Variants in SIRPG observed in about 807,000 individuals in gnomAD.
SIRPG encodes signal-regulatory protein gamma.
SIRPG carries 38 observed loss-of-function variants against 35.7 expected under a neutral mutation model. The observed-to-expected ratio is 1.06, with a 90% confidence interval of 0.82 to 1.40. SIRPG has a LOEUF of 1.40. Ranked by LOEUF, SIRPG falls within the 40% of genes most tolerant of loss-of-function variation. SIRPG has a pLI of 0.00. For synonymous variants in SIRPG, 215 were observed against 190.4 expected, an observed-to-expected ratio of 1.13 and a Z score of -1.06; for missense variants, 519 against 483.0, an observed-to-expected ratio of 1.07 and a Z score of -0.70.
At position 1,649,036 on chromosome 20, in the gene SIRPG, T is replaced by A; in HGVS notation, c.430+16A>T. On this transcript the variant is annotated intron_variant, in intron 2 of 5. Transcript: ENST00000303415. ...GTCACACATCAGGGGATGAGGGAGG[T>A]CCATGTTGTACTCACCACCCAAAGC... 1 of 1,597,558 alleles carries A rather than the reference T, an allele frequency of 6.3e-7. No homozygotes were observed. Among genetic ancestry groups the A allele is most frequent in the Non-Finnish European group, 8.6e-7 (1 of 1,166,344 alleles).
At chr20:1,634,572 G>C (rs993332578) in intron 4 of SIRPG, among the ~76,000 whole-genome samples, 1 of 152,096 alleles carries the variant, frequency 6.6e-6, no homozygotes, top group African/African-American at 2.4e-5. Flanking sequence ...CTGGGATGAG[G>C]TCATAAATGA....
At position 1,649,171 on chromosome 20, in the gene SIRPG, A is replaced by T. The variant is rs1203086520; in HGVS notation, c.311T>A (p.Ile104Asn). 2 of 1,614,104 alleles carry T rather than the reference A, an allele frequency of 1.2e-6. No homozygotes were observed. The highest frequency in any genetic ancestry group is 8.5e-7 in the Non-Finnish European group (1 of 1,180,030). ...LTKRNNMDFS[I>N]RISSITPADV... The stretch of plus-strand genomic sequence containing the variant: ...TGCTGGGGTGATGCTACTGATGCGG[A>T]TGGAAAAGTCCATGTTGTTTCTCTT... The change falls in exon 2 of 6, where the codon ATC becomes AAC. Residue 104 changes from isoleucine to asparagine, a missense_variant. Transcript: ENST00000303415.
chr20:1,635,159 A>T, intron 4 of SIRPG, 108 bp downstream of exon 4: 1 of 919,060 alleles, frequency 1.1e-6, no homozygotes, highest in Non-Finnish European at 1.6e-6. Context: ...GCTGACATTA[A>T]AATTTTACTT....
chr20:1,636,315 G>T lies in SIRPG; in HGVS notation c.621C>A (p.Ile207=). The T allele has an allele frequency of 6.2e-7, 1 of 1,614,242 alleles. No homozygotes were observed. The highest frequency in any genetic ancestry group is 8.5e-7 in the Non-Finnish European group (1 of 1,180,040). The change falls in exon 3 of 6, where the codon ATC becomes ATA. Residue 207 remains isoleucine, a synonymous_variant. Transcript: ENST00000303415. ...CCAGTACCACCCTGGCTGTGCTGCGGATGCTGTAGGCCACACTCTGTCCTG... is the reference window on the plus strand; with the variant it reads ...CCAGTACCACCCTGGCTGTGCTGCGTATGCTGTAGGCCACACTCTGTCCTG... ...DPTGQSVAYS[I]RSTARVVLDP...
At chr20:1,635,658 C>T (rs2091792803) in intron 3 of SIRPG, 59 bp from the exon 4 acceptor site, 6 of 1,557,492 alleles carry the variant, frequency 3.9e-6, no homozygotes, top group South Asian at 3.5e-5. Context: ...ACAGGGAGGG[C>T]TCCATAACTT....
the SIRPG span, among the ~76,000 whole-genome samples, chr20:1,671,820 C>T: frequency 6.6e-6 from 1 of 152,342 alleles, no homozygotes; most frequent in East Asian, 1.9e-4. Context: ...ACAGATCGCT[C>T]ATGTTGTTGT....
the SIRPG span, among the ~76,000 whole-genome samples, chr20:1,667,913 G>A: frequency 6.6e-6 from 1 of 152,286 alleles, no homozygotes; most frequent in South Asian, 2.1e-4. Context: ...GAGTCTTATT[G>A]TATTGACTGT....
chr20:1,636,153 G>A (rs765487280), intron 3 of SIRPG, 35 bp downstream of exon 3: 5 of 1,608,210 alleles, frequency 3.1e-6, no homozygotes, highest in East Asian at 4.5e-5. Context: ...TTGACAGCCA[G>A]GTGTGGGCTT....
chr20:1,651,045 A>G (rs1428074178), intron 1 of SIRPG, among the ~76,000 whole-genome samples: 2 of 152,246 alleles, frequency 1.3e-5, no homozygotes, highest in Non-Finnish European at 2.9e-5. Context: ...GGAGAAATTA[A>G]GACATTCTCA....
At chr20:1,666,829 A>T in the SIRPG span, among the ~76,000 whole-genome samples, 2 of 152,180 alleles carry the variant, frequency 1.3e-5, no homozygotes, top group African/African-American at 2.4e-5. Context: ...GTACCATTTT[A>T]AAAAATATTT....
the SIRPG span, chr20:1,666,462 T>C: frequency 6.6e-6 from 1 of 152,098 alleles, no homozygotes; most frequent in African/African-American, 2.4e-5. Flanking sequence ...TGCACTAAGT[T>C]CAGAATCAAT....
chr20:1,634,708 GAGA>G (rs1423979219), intron 4 of SIRPG, among the ~76,000 whole-genome samples: 1 of 152,122 alleles, frequency 6.6e-6, no homozygotes, highest in African/African-American at 2.4e-5. Flanking sequence ...AGGACTCTAT[GAGA>G]AGATGGTTCC....
At chr20:1,638,093 G>T (rs923702387) in intron 2 of SIRPG, among the ~76,000 whole-genome samples, 1 of 152,216 alleles carries the variant, frequency 6.6e-6, no homozygotes, top group Non-Finnish European at 1.5e-5. Flanking sequence ...GGGCTGAGAG[G>T]CTGTAACCAG....
Position 1,656,281 on chromosome 20 carries a change from T to C in SIRPG, c.73+1361A>G, listed in dbSNP as rs181906306. ...ATCCCAACTGCTCCATGGACTGAAG[T>C]AGGGGACAATGAACAGGTTCCTGCC... On this transcript the variant is annotated intron_variant, in intron 1 of 5. Coordinates refer to ENST00000303415, the MANE Select transcript of SIRPG (RefSeq NM_018556.4). 4.7e-4 allele frequency among the ~76,000 whole-genome samples: 72 copies of C among 152,298 alleles called. 1 individual carries two copies. The East Asian group carries it at 0.014, about 29-fold the overall frequency.
intron 2 of SIRPG, among the ~76,000 whole-genome samples, chr20:1,645,206 C>T (rs1053919754): frequency 6.6e-6 from 1 of 152,110 alleles, no homozygotes; most frequent in African/African-American, 2.4e-5. Flanking sequence ...GCACTGAGGC[C>T]TCCTGAGCTG....
At position 1,636,315 on chromosome 20, in the gene SIRPG, G is replaced by A. The variant is rs1018186208; in HGVS notation, c.621C>T (p.Ile207=). 6 of 1,614,242 alleles carry A rather than the reference G, an allele frequency of 3.7e-6. No homozygotes were observed. The highest frequency in any genetic ancestry group is 2.2e-5 in the East Asian group (1 of 44,884). ...CCAGTACCACCCTGGCTGTGCTGCG[G>A]ATGCTGTAGGCCACACTCTGTCCTG... ...DPTGQSVAYS[I]RSTARVVLDP... Residue 207 remains isoleucine, a synonymous_variant, in exon 3 of 6, where the codon ATC becomes ATT. Transcript: ENST00000303415.
the SIRPG span, chr20:1,669,969 T>C: frequency 4.2e-6 from 1 of 237,642 alleles, no homozygotes; most frequent in Non-Finnish European, 9.5e-6. Flanking sequence ...AGGGCAAGGC[T>C]TTTGCTGACC....
At chr20:1,649,453 C>A (rs1227052996) in intron 1 of SIRPG, 45 bp from the exon 2 acceptor site, 3 of 1,499,646 alleles carry the variant, frequency 2.0e-6, no homozygotes, top group Admixed American at 4.0e-5. Flanking sequence ...CTTACATAAT[C>A]CTGTATTTCC....
At chr20:1,644,843 T>C (rs2091885355) in intron 2 of SIRPG, among the ~76,000 whole-genome samples, 2 of 152,222 alleles carry the variant, frequency 1.3e-5, no homozygotes, top group Non-Finnish European at 2.9e-5. Context: ...TGCACCACAC[T>C]GCTCTTCCTC....
Sources: gnomAD v4.1 joint callset for allele counts (sites outside exome capture counted in the v4.1 genomes callset) on GRCh38, gnomAD v4.1.1 for gene constraint, MANE v1.5 for transcripts, NCBI Gene and HGNC (gene_info 2026-07-23, HGNC 2026-07-21) for gene names.